Variants in TRIM44 observed in about 807,000 individuals in gnomAD.
TRIM44 encodes tripartite motif-containing protein 44.
TRIM44 carries 13 observed loss-of-function variants against 37.4 expected under a neutral mutation model. The ratio of observed to expected loss-of-function variants is 0.35; its 90% CI spans 0.23 to 0.55. The LOEUF is 0.55. Ranked by LOEUF, TRIM44 falls within the 20% of genes least tolerant of loss-of-function variation. TRIM44 has a pLI of 0.89. For missense variants in TRIM44, 426 were observed against 437.2 expected, an observed-to-expected ratio of 0.97 and a Z score of 0.23; for synonymous variants, 175 against 157.2, an observed-to-expected ratio of 1.11 and a Z score of -0.85.
At chr11:35,776,929 C>A (rs1444466976) in intron 4 of TRIM44, among the ~76,000 whole-genome samples, 2 of 152,182 alleles carry the variant, frequency 1.3e-5, no homozygotes, top group Non-Finnish European at 2.9e-5. Context: ...AATGTATATT[C>A]TGTTGATTTG....
chr11:35,730,709 G>A (rs1564983455), intron 3 of TRIM44, among the ~76,000 whole-genome samples: 2 of 151,830 alleles, frequency 1.3e-5, no homozygotes, highest in African/African-American at 4.8e-5. Flanking sequence ...TTCATTTAAA[G>A]GTATTAATGG....
intron 3 of TRIM44, among the ~76,000 whole-genome samples, chr11:35,728,249 C>T (rs560923218): frequency 7.2e-5 from 11 of 152,268 alleles, no homozygotes; most frequent in African/African-American, 2.6e-4. Flanking sequence ...TCGCTTGAAC[C>T]CAGGAGGTGG....
intron 2 of TRIM44, among the ~76,000 whole-genome samples, chr11:35,722,149 T>G (rs1746630109): frequency 6.6e-6 from 1 of 152,208 alleles, no homozygotes; most frequent in African/African-American, 2.4e-5. Context: ...TGCTTTTTTG[T>G]TTTTCTGTTT....
At chr11:35,683,017 A>G (rs182438792) in intron 1 of TRIM44, among the ~76,000 whole-genome samples, 129 of 152,282 alleles carry the variant, frequency 8.5e-4, no homozygotes, top group Non-Finnish European at 1.4e-3. Context: ...TCCAGGGACA[A>G]GTGACCTGCT....
At chr11:35,739,246 G>A (rs1301936379) in intron 4 of TRIM44, among the ~76,000 whole-genome samples, 2 of 152,186 alleles carry the variant, frequency 1.3e-5, no homozygotes, top group Non-Finnish European at 2.9e-5. Context: ...CAAACCTCAT[G>A]ATATAGTTAT....
At chr11:35,776,057 T>G (rs11512235) in intron 4 of TRIM44, among the ~76,000 whole-genome samples, 21,126 of 152,216 alleles carry the variant, frequency 0.14, 1,626 homozygotes, top group Non-Finnish European at 0.17. Flanking sequence ...ACAGCTCCCC[T>G]TTGTACCTCT....
At chr11:35,754,337 A>G (rs1852598438) in intron 4 of TRIM44, among the ~76,000 whole-genome samples, 1 of 152,122 alleles carries the variant, frequency 6.6e-6, no homozygotes, top group Non-Finnish European at 1.5e-5. Flanking sequence ...TACAAAATGG[A>G]TAGCCAGTGT....
chr11:35,770,211 C>G (rs1356351200), intron 4 of TRIM44, among the ~76,000 whole-genome samples: 3 of 152,160 alleles, frequency 2.0e-5, no homozygotes, highest in Non-Finnish European at 1.5e-5. Flanking sequence ...TCAGCTGTAT[C>G]CATACTGCTG....
chr11:35,753,417 G>A (rs1852583181), intron 4 of TRIM44, among the ~76,000 whole-genome samples: 1 of 152,130 alleles, frequency 6.6e-6, no homozygotes, highest in Non-Finnish European at 1.5e-5. Context: ...AGAATCCCAA[G>A]CCTAGGATCT....
rs1488781734 is a variant in TRIM44, at chr11:35,812,510, T to A, written c.*6125T>A. The A allele has an allele frequency of 6.6e-6, 1 of 152,196 alleles. No individual in the cohort carries two copies. The highest frequency in any genetic ancestry group is 2.4e-5 in the African/African-American group (1 of 41,448). The allele number at this position is 152,196 out of a possible 1,614,324, so 9.4% of individuals were successfully genotyped here. ...ATTATCATAATAGTAACAGCACCAA[T>A]ACTATCATTCCCCACTTTGTTGCTC... On this transcript the variant is annotated 3_prime_UTR_variant, in exon 5 of 5. Transcript: ENST00000299413.
intron 4 of TRIM44, among the ~76,000 whole-genome samples, chr11:35,737,619 T>C (rs1415758902): frequency 6.6e-6 from 1 of 152,174 alleles, no homozygotes; most frequent in Non-Finnish European, 1.5e-5. Flanking sequence ...GTGGATCACC[T>C]GAGGTCAGGA....
chr11:35,800,412 T>C (rs1276645409), intron 4 of TRIM44, among the ~76,000 whole-genome samples: 2 of 152,234 alleles, frequency 1.3e-5, no homozygotes, highest in Admixed American at 1.3e-4. Context: ...TCCTGCTGAT[T>C]GTTGTGCTTA....
intron 4 of TRIM44, among the ~76,000 whole-genome samples, chr11:35,748,866 G>T (rs1852527466): frequency 1.3e-5 from 2 of 152,148 alleles, no homozygotes; most frequent in South Asian, 4.1e-4. Flanking sequence ...CTCAGGTGGG[G>T]TAAAGCTCAG....
At chr11:35,800,134 G>A (rs375043198) in intron 4 of TRIM44, among the ~76,000 whole-genome samples, 2 of 152,078 alleles carry the variant, frequency 1.3e-5, no homozygotes, top group South Asian at 2.1e-4. Context: ...CGTGTCCAGA[G>A]TTTGTTCCTT....
chr11:35,727,017 G>A (rs1312252655), intron 3 of TRIM44, among the ~76,000 whole-genome samples: 2 of 151,824 alleles, frequency 1.3e-5, no homozygotes, highest in Non-Finnish European at 1.5e-5. Context: ...TAAAAAAGTA[G>A]CAGACATGGT....
intron 3 of TRIM44, among the ~76,000 whole-genome samples, chr11:35,728,289 T>C (rs1327739384): frequency 6.6e-6 from 1 of 152,144 alleles, no homozygotes; most frequent in Non-Finnish European, 1.5e-5. Context: ...TTGCAGCCAC[T>C]GCACCCCAGC....
intron 4 of TRIM44, among the ~76,000 whole-genome samples, chr11:35,791,335 G>T (rs571917211): frequency 1.7e-4 from 26 of 152,168 alleles, no homozygotes; most frequent in Non-Finnish European, 3.5e-4. Flanking sequence ...ATCTGCTTGT[G>T]CTGCCTCAGG....
chr11:35,689,796 C>G (rs929622239), intron 2 of TRIM44, among the ~76,000 whole-genome samples: 1 of 152,168 alleles, frequency 6.6e-6, no homozygotes, highest in East Asian at 1.9e-4. Context: ...CCCTTTCCTC[C>G]CTTCCCCCTG....
At chr11:35,771,021 G>A (rs1019150641) in intron 4 of TRIM44, among the ~76,000 whole-genome samples, 4 of 152,112 alleles carry the variant, frequency 2.6e-5, no homozygotes, top group African/African-American at 4.8e-5. Flanking sequence ...AGAGTAAATT[G>A]GTACCAATAG....
Sources: gnomAD v4.1 joint callset for allele counts (sites outside exome capture counted in the v4.1 genomes callset) on GRCh38, gnomAD v4.1.1 for gene constraint, MANE v1.5 for transcripts, NCBI Gene and HGNC (gene_info 2026-07-23, HGNC 2026-07-21) for gene names.